ANK3: variants seen among roughly 807,000 people sequenced by gnomAD.
The protein encoded by ANK3 is ankyrin-3.
A neutral mutation model predicts 370.9 loss-of-function variants in ANK3; 57 were observed. The ratio of observed to expected loss-of-function variants is 0.15; its 90% CI spans 0.12 to 0.19. ANK3 has a LOEUF of 0.19. Among genes scored for constraint, ANK3 ranks in the 10% least tolerant of loss-of-function variants. The pLI is 1.00. For missense variants in ANK3, 4,439 were observed against 5,302.1 expected (o/e 0.84, Z 5.06); for synonymous variants, 1,929 against 1,946.3 (o/e 0.99, Z 0.23).
chr10:60,251,870 T>C (rs72820473), intron 7 of ANK3, among the ~76,000 whole-genome samples: 2,957 of 152,368 alleles, frequency 0.019, 37 homozygotes, highest in South Asian at 0.036. Flanking sequence ...CCCAGGCTGG[T>C]ATTCACTGAG....
chr10:60,141,840 C>G (rs1186512886), intron 23 of ANK3, among the ~76,000 whole-genome samples: 2 of 151,950 alleles, frequency 1.3e-5, no homozygotes, highest in African/African-American at 2.4e-5. Flanking sequence ...TGCTATGACA[C>G]CTGGTGCTTT....
rs1221136375 is a variant in ANK3, at chr10:60,263,994, A to C, written c.540T>G (p.Ala180=). The C allele has an allele frequency of 6.2e-7, 1 of 1,614,130 alleles. No individual in the cohort carries two copies. Among genetic ancestry groups the C allele is most frequent in the East Asian group, 2.2e-5 (1 of 44,864 alleles). The change falls in exon 6 of 44, where the codon GCT becomes GCG. Residue 180 remains alanine (A), a synonymous_variant. Coordinates refer to ENST00000280772, the MANE Select transcript of ANK3 (RefSeq NM_020987.5). The part of the protein sequence containing the change: ...TEDGFTPLAV[A]LQQGHDQVVS... ...CGACTTGGTCGTGACCTTGTTGCAA[A>C]GCCACTGCCAATGGTGTGAAGCCAT...
Position 60,289,762 on chromosome 10 carries a change from T to G in ANK3, c.115-10123A>C, listed in dbSNP as rs550197670. On this transcript the variant is annotated intron_variant, in intron 1 of 43. Transcript: ENST00000280772. Reference sequence around the variant, plus strand: ...GCTTGGTAGCACTGAGAAGTAATTTTTGGTGAACAAAGTAACATGAGTTTG... The same window carrying G: ...GCTTGGTAGCACTGAGAAGTAATTTGTGGTGAACAAAGTAACATGAGTTTG... Among the ~76,000 whole-genome samples, 60 of 152,314 alleles carry G rather than the reference T, an allele frequency of 3.9e-4. No individual in the cohort carries two copies. In the South Asian group the frequency reaches 0.012, roughly 31 times the overall value.
At chr10:60,628,268 G>A (rs1397336323) in intron 1 of ANK3, among the ~76,000 whole-genome samples, 1 of 151,994 alleles carries the variant, frequency 6.6e-6, no homozygotes, top group Non-Finnish European at 1.5e-5. Flanking sequence ...TGGAATTCAG[G>A]GTAATTTGCT....
At chr10:60,703,830 G>A (rs1022858220) in intron 1 of ANK3, among the ~76,000 whole-genome samples, 1 of 152,116 alleles carries the variant, frequency 6.6e-6, no homozygotes, top group Admixed American at 6.5e-5. Context: ...TTCCATATGT[G>A]TAGTAGCTAG....
chr10:60,419,719 C>T (rs2063739840), intron 2 of ANK3, among the ~76,000 whole-genome samples: 1 of 152,134 alleles, frequency 6.6e-6, no homozygotes, highest in Admixed American at 6.5e-5. Flanking sequence ...GTCCAGGGAC[C>T]TACCTTTTTA....
upstream of ANK3, among the ~76,000 whole-genome samples, chr10:60,392,722 A>G (rs573868132): frequency 2.0e-5 from 3 of 152,288 alleles, no homozygotes; most frequent in East Asian, 5.8e-4. Flanking sequence ...TGAGGTCAGG[A>G]GTTCGAGACC....
intron 2 of ANK3, among the ~76,000 whole-genome samples, chr10:60,399,675 G>A (rs992678731): frequency 3.9e-5 from 6 of 152,136 alleles, no homozygotes; most frequent in Non-Finnish European, 2.9e-5. Context: ...CAGTGCTTCC[G>A]CCGGCACAAG....
chr10:60,095,611 G>A (rs1026024688), intron 28 of ANK3, among the ~76,000 whole-genome samples: 2 of 152,016 alleles, frequency 1.3e-5, no homozygotes, highest in Admixed American at 6.5e-5. Flanking sequence ...TTGAACTCCT[G>A]GCCTCAAGCA....
At chr10:60,334,462 C>T (rs1323344561) in intron 1 of ANK3, among the ~76,000 whole-genome samples, 1 of 152,078 alleles carries the variant, frequency 6.6e-6, no homozygotes. Flanking sequence ...ACATATCTGC[C>T]AGTTAGAGAG....
At chr10:60,445,546 C>T (rs1291718551) in intron 2 of ANK3, among the ~76,000 whole-genome samples, 1 of 147,546 alleles carries the variant, frequency 6.8e-6, no homozygotes, top group South Asian at 2.1e-4. Context: ...ATATCTTCTA[C>T]TAAAAAAAAA....
Position 60,069,847 on chromosome 10 carries a change from A to G in ANK3, c.11034T>C (p.Pro3678=), listed in dbSNP as rs1416405569. ...GGATGCTGGGGTTAGGTTCCACTGT[A>G]GGTGTCTCTACATTTCTCTCTAGAT... ...ETNLERNVET[P]TVEPNPSIPT... is the part of the protein sequence containing the mutation. The change falls in exon 37 of 44, where the codon CCT becomes CCC. Residue 3678 remains proline, a synonymous_variant. Coordinates refer to ENST00000280772, the MANE Select transcript of ANK3 (RefSeq NM_020987.5). 1.2e-6 allele frequency: 2 copies of G among 1,614,070 alleles called. No homozygotes were observed. The highest frequency in any genetic ancestry group is 1.7e-6 in the Non-Finnish European group (2 of 1,179,986).
chr10:60,584,598 T>C (rs774975593), intron 2 of ANK3, among the ~76,000 whole-genome samples: 7 of 152,020 alleles, frequency 4.6e-5, no homozygotes, highest in Non-Finnish European at 1.0e-4. Context: ...ACCTGGGCAA[T>C]AGAGCAAGAC....
chr10:60,661,390 T>C (rs2078934062), intron 1 of ANK3, among the ~76,000 whole-genome samples: 1 of 152,182 alleles, frequency 6.6e-6, no homozygotes, highest in South Asian at 2.1e-4. Context: ...TTTTTCCCTC[T>C]ACCAAGGTAA....
chr10:60,216,508 A>G (rs1432340569), intron 8 of ANK3, among the ~76,000 whole-genome samples: 1 of 152,194 alleles, frequency 6.6e-6, no homozygotes, highest in Non-Finnish European at 1.5e-5. Flanking sequence ...CTTTTTCTGC[A>G]TCCATTGAGA....
chr10:60,096,887 C>T (rs1190388857), intron 28 of ANK3, among the ~76,000 whole-genome samples: 1 of 152,104 alleles, frequency 6.6e-6, no homozygotes, highest in Non-Finnish European at 1.5e-5. Context: ...AACAATAGAA[C>T]ATAAACATAA....
chr10:60,051,799 G>C (rs887935354), intron 42 of ANK3, among the ~76,000 whole-genome samples: 1 of 151,170 alleles, frequency 6.6e-6, no homozygotes, highest in African/African-American at 2.4e-5. Context: ...GTGTGTGTGT[G>C]TGTGTGTACA....
At chr10:60,407,624 G>A (rs939976235) in intron 2 of ANK3, among the ~76,000 whole-genome samples, 2 of 152,072 alleles carry the variant, frequency 1.3e-5, no homozygotes, top group Admixed American at 6.6e-5. Context: ...GTACGGAAAA[G>A]CTGCTACATG....
At chr10:60,449,845 G>C (rs926226907) in intron 2 of ANK3, among the ~76,000 whole-genome samples, 2 of 152,108 alleles carry the variant, frequency 1.3e-5, no homozygotes, top group Non-Finnish European at 2.9e-5. Flanking sequence ...GGCCTCAAGG[G>C]ACTCAAAATC....
Sources: gnomAD v4.1 joint callset for allele counts (sites outside exome capture counted in the v4.1 genomes callset) on GRCh38, gnomAD v4.1.1 for gene constraint, MANE v1.5 for transcripts, NCBI Gene and HGNC (gene_info 2026-07-23, HGNC 2026-07-21) for gene names.